DGKB: variants seen among roughly 807,000 people sequenced by gnomAD.
DGKB encodes the protein diacylglycerol kinase beta, also known as 90 kDa diacylglycerol kinase.
A neutral mutation model predicts 114.3 loss-of-function variants in DGKB; 67 were observed. The observed-to-expected ratio is 0.59, with a 90% CI of 0.48 to 0.72. The LOEUF is 0.72. Among genes scored for constraint, DGKB ranks in the 30% least tolerant of loss-of-function variants. The pLI, the probability that DGKB is intolerant of heterozygous loss-of-function variation, is 0.00. For missense variants in DGKB, 907 were observed against 975.2 expected, an observed-to-expected ratio of 0.93 and a Z score of 0.93; for synonymous variants, 398 against 323.1, an observed-to-expected ratio of 1.23 and a Z score of -2.49.
At chr7:14,847,362 C>T (rs1295574812) in intron 1 of DGKB, among the ~76,000 whole-genome samples, 2 of 148,586 alleles carry the variant, frequency 1.3e-5, no homozygotes, top group South Asian at 2.1e-4. Flanking sequence ...AAACTCCAAA[C>T]TGTAAGATTT....
chr7:14,478,787 C>A lies in DGKB; in HGVS notation c.1771-562G>T, dbSNP rs565886990. 1.0e-4 allele frequency among the ~76,000 whole-genome samples: 15 copies of A among 146,804 alleles called. No homozygotes were observed. In the East Asian group the frequency reaches 1.9e-3, roughly 19 times the overall value. ...GTTTGGACCACAAGCAACTTTCTGG[C>A]ATAGCTCGTTGAATAGAAAAAAAAA... On this transcript the variant is annotated intron_variant, in intron 20 of 25. Coordinates refer to ENST00000402815, the MANE Select transcript of DGKB (RefSeq NM_001350709.2).
At position 14,764,355 on chromosome 7, in the gene DGKB, T is replaced by C. The variant is rs986440298; in HGVS notation, c.71-6624A>G. Among the ~76,000 whole-genome samples the C allele has an allele frequency of 9.2e-5, 14 of 152,158 alleles. No homozygotes were observed. The South Asian group carries it at 2.9e-3, about 32-fold the overall frequency. The stretch of plus-strand genomic sequence containing the variant: ...ATTAATTGTTGTGCAGACAACATAG[T>C]AGCATTCAGTCCAATGTTACATTTC... On this transcript the variant is annotated intron_variant, in intron 2 of 25. Coordinates refer to ENST00000402815, the MANE Select transcript of DGKB (RefSeq NM_001350709.2).
intron 1 of DGKB, among the ~76,000 whole-genome samples, chr7:14,897,479 T>C (rs972074341): frequency 2.6e-5 from 4 of 151,812 alleles, no homozygotes; most frequent in African/African-American, 9.7e-5. Flanking sequence ...TAAGAAACAA[T>C]TAAAAATCAC....
At chr7:14,925,467 A>C (rs911349079) in intron 1 of DGKB, among the ~76,000 whole-genome samples, 5 of 152,156 alleles carry the variant, frequency 3.3e-5, no homozygotes. Context: ...TAGGAAAGGG[A>C]TTAAACTTAT....
At chr7:14,853,672 C>T (rs911280653) in intron 1 of DGKB, among the ~76,000 whole-genome samples, 1 of 151,730 alleles carries the variant, frequency 6.6e-6, no homozygotes, top group Non-Finnish European at 1.5e-5. Flanking sequence ...CTGGCCAACA[C>T]GGTGAAACCA....
chr7:14,918,014 T>C (rs1290068522), intron 1 of DGKB, among the ~76,000 whole-genome samples: 2 of 152,160 alleles, frequency 1.3e-5, no homozygotes, highest in Non-Finnish European at 2.9e-5. Context: ...TATACGATCA[T>C]ATTAATTGAT....
intron 1 of DGKB, among the ~76,000 whole-genome samples, chr7:14,876,308 A>C (rs1424147596): frequency 2.6e-5 from 4 of 152,222 alleles, no homozygotes; most frequent in Non-Finnish European, 5.9e-5. Context: ...TATGACTGCA[A>C]AACTACAGTG....
intron 25 of DGKB, among the ~76,000 whole-genome samples, chr7:14,164,657 G>A (rs1349877797): frequency 1.3e-5 from 2 of 152,080 alleles, no homozygotes; most frequent in Non-Finnish European, 2.9e-5. Flanking sequence ...TGATAATGAG[G>A]AAACAATAAT....
chr7:14,768,861 C>A (rs1311756171), intron 2 of DGKB, among the ~76,000 whole-genome samples: 1 of 151,820 alleles, frequency 6.6e-6, no homozygotes, highest in African/African-American at 2.4e-5. Flanking sequence ...CAAAATGGCA[C>A]CTTTCACAAT....
intron 21 of DGKB, among the ~76,000 whole-genome samples, 179 bp from the exon 22 acceptor site, chr7:14,345,570 T>C (rs963452408): frequency 6.6e-6 from 1 of 151,738 alleles, no homozygotes; most frequent in Non-Finnish European, 1.5e-5. Flanking sequence ...AACTGTATGA[T>C]GGCCTTGAGG....
At chr7:14,747,735 T>C (rs1020302922) in intron 4 of DGKB, among the ~76,000 whole-genome samples, 2 of 146,848 alleles carry the variant, frequency 1.4e-5, no homozygotes, top group East Asian at 2.1e-4. Context: ...TGAATGACTA[T>C]TCAAAAATTG....
chr7:14,466,475 T>G (rs1395253575), intron 21 of DGKB, among the ~76,000 whole-genome samples: 2 of 152,136 alleles, frequency 1.3e-5, no homozygotes, highest in Non-Finnish European at 2.9e-5. Flanking sequence ...TTAAACACAG[T>G]GACAGGCCTA....
chr7:14,178,584 C>T (rs1194828252), intron 23 of DGKB, among the ~76,000 whole-genome samples: 2 of 152,100 alleles, frequency 1.3e-5, no homozygotes, highest in Non-Finnish European at 2.9e-5. Flanking sequence ...TGTTAAATTA[C>T]TTGAACAAGA....
intron 20 of DGKB, among the ~76,000 whole-genome samples, chr7:14,549,690 G>A (rs1038541337): frequency 2.0e-5 from 3 of 152,082 alleles, no homozygotes; most frequent in Non-Finnish European, 4.4e-5. Context: ...AAGGAAAGAC[G>A]ATTAAAATCT....
intron 1 of DGKB, among the ~76,000 whole-genome samples, chr7:14,942,578 G>A (rs1387359945): frequency 6.6e-6 from 1 of 151,926 alleles, no homozygotes; most frequent in Non-Finnish European, 1.5e-5. Flanking sequence ...GCTTCAGGCT[G>A]TGATTTTGCA....
At chr7:14,308,966 A>G (rs1324218133) in intron 23 of DGKB, among the ~76,000 whole-genome samples, 3 of 152,208 alleles carry the variant, frequency 2.0e-5, no homozygotes, top group Non-Finnish European at 4.4e-5. Flanking sequence ...CTGTAATCCC[A>G]GCACTTTGGA....
chr7:14,766,580 C>T (rs1836492719), intron 2 of DGKB, among the ~76,000 whole-genome samples: 1 of 151,784 alleles, frequency 6.6e-6, no homozygotes, highest in South Asian at 2.1e-4. Context: ...ATTAGATATC[C>T]AAGTGTAGCC....
intron 1 of DGKB, among the ~76,000 whole-genome samples, chr7:14,858,805 C>T (rs1357284384): frequency 6.6e-6 from 1 of 152,054 alleles, no homozygotes; most frequent in African/African-American, 2.4e-5. Flanking sequence ...AAAGACTAGC[C>T]AGCAAAACAG....
chr7:14,311,363 G>GT (rs1272359844), intron 23 of DGKB, among the ~76,000 whole-genome samples: 6 of 152,082 alleles, frequency 3.9e-5, no homozygotes, highest in African/African-American at 1.4e-4. Flanking sequence ...CCCCACACTG[G>GT]TTTTTTGTTC....
Sources: gnomAD v4.1 joint callset for allele counts (sites outside exome capture counted in the v4.1 genomes callset) on GRCh38, gnomAD v4.1.1 for gene constraint, MANE v1.5 for transcripts, NCBI Gene and HGNC (gene_info 2026-07-23, HGNC 2026-07-21) for gene names.